The following SMCHD1 variants were observed in gnomAD, a reference collection of about 807,000 sequenced individuals.
SMCHD1 encodes structural maintenance of chromosomes flexible hinge domain containing 1, also known as structural maintenance of chromosomes flexible hinge domain-containing protein 1.
In SMCHD1, 78 loss-of-function variants were observed where a neutral mutation model predicts 254.7. The observed-to-expected ratio is 0.31, with a 90% CI of 0.26 to 0.37. The LOEUF (loss-of-function observed/expected upper bound fraction) is 0.37. Among genes scored for constraint, SMCHD1 ranks in the 10% least tolerant of loss-of-function variants. The pLI, the probability that SMCHD1 is intolerant of heterozygous loss-of-function variation, is 1.00. For synonymous variants in SMCHD1, 766 were observed against 794.9 expected, an observed-to-expected ratio of 0.96 and a Z score of 0.61; for missense variants, 1,840 against 2,408.1, an observed-to-expected ratio of 0.76 and a Z score of 4.94.
In SMCHD1 at chr18:2,769,993, TAAG is replaced by T; in HGVS notation, c.4855_4857del (p.Lys1619del). On this transcript the variant is annotated inframe_deletion, in exon 39 of 48. Transcript: ENST00000320876. ...TATCTCAATTTTTTTTCTTAGATGT[TAAG>T]AAGCAGCAACAAATGGCAGCACTTA... 1 of 1,585,292 alleles carries T rather than the reference TAAG, an allele frequency of 6.3e-7. No individual in the cohort carries two copies. The highest frequency in any genetic ancestry group is 8.5e-7 in the Non-Finnish European group (1 of 1,172,014).
chr18:2,708,907 T>TATAA (rs769432583), intron 17 of SMCHD1, among the ~76,000 whole-genome samples: 1,603 of 44,628 alleles, frequency 0.036, 325 homozygotes, highest in Middle Eastern at 0.071. Flanking sequence ...TATATATATA[T>TATAA]AACATATTAA....
In SMCHD1 at chr18:2,772,283, C is replaced by T. The variant is rs746069496; in HGVS notation, c.5086C>T (p.Leu1696=). The T allele has an allele frequency of 1.2e-6, 2 of 1,604,440 alleles. No homozygotes were observed. The highest frequency in any genetic ancestry group is 8.5e-7 in the Non-Finnish European group (1 of 1,176,414). The change falls in exon 41 of 48, where the codon CTA becomes TTA. Residue 1696 remains leucine, a synonymous_variant. Coordinates refer to ENST00000320876, the MANE Select transcript of SMCHD1 (RefSeq NM_015295.3). ...CATTGAAGCACTTCTGAAAAGAAAG[C>T]TATCAGAACAAGAAGAACTGAAGAA... The part of the protein sequence containing the change: ...PHIEALLKRK[L]SEQEELKKKP...
At chr18:2,705,473 AAAG>A (rs1437488423) in intron 13 of SMCHD1, among the ~76,000 whole-genome samples, 2 of 152,280 alleles carry the variant, frequency 1.3e-5, no homozygotes, top group Non-Finnish European at 2.9e-5. Context: ...ACATTTGTAT[AAAG>A]AAGCTGCCAT....
chr18:2,688,143 T>G (rs2074094148), intron 5 of SMCHD1, among the ~76,000 whole-genome samples: 1 of 152,248 alleles, frequency 6.6e-6, no homozygotes, highest in African/African-American at 2.4e-5. Context: ...TGAGAGATTT[T>G]CTGATTTAGT....
chr18:2,766,252 C>CA (rs1421219104), intron 37 of SMCHD1, among the ~76,000 whole-genome samples: 1 of 152,234 alleles, frequency 6.6e-6, no homozygotes, highest in African/African-American at 2.4e-5. Flanking sequence ...CTCGGCCTCC[C>CA]AAAGTGCTGG....
chr18:2,729,417 A>T lies in SMCHD1; in HGVS notation c.3048+8A>T. 2.0e-6 allele frequency: 3 copies of T among 1,502,544 alleles called. No homozygotes were observed. Among genetic ancestry groups the T allele is most frequent in the Non-Finnish European group, 2.7e-6 (3 of 1,127,472 alleles). 93.1% of individuals were successfully genotyped at this position (1,502,544 alleles called of 1,614,324 possible). A position where few individuals can be genotyped will look rare whatever the true frequency, so the allele number is the denominator to read the frequency against. On this transcript the variant is annotated splice_region_variant and intron_variant, in intron 24 of 47. Transcript: ENST00000320876. ...GCAAGAATTGAAATACCTGTAAGTTATTATTGTTACTCATTGATATTATAT... is the reference window on the plus strand; with the variant it reads ...GCAAGAATTGAAATACCTGTAAGTTTTTATTGTTACTCATTGATATTATAT...
At chr18:2,690,715 C>T (rs1424599034) in intron 7 of SMCHD1, among the ~76,000 whole-genome samples, 2 of 150,332 alleles carry the variant, frequency 1.3e-5, no homozygotes, top group Non-Finnish European at 3.0e-5. Flanking sequence ...AACTCCTGAC[C>T]TCAGGCAGTC....
At chr18:2,749,718 A>G (rs1202591336) in intron 30 of SMCHD1, among the ~76,000 whole-genome samples, 1 of 152,224 alleles carries the variant, frequency 6.6e-6, no homozygotes, top group Non-Finnish European at 1.5e-5. Flanking sequence ...GCTTTAGAAT[A>G]TACCTTCTGT....
chr18:2,793,613 C>A (rs62077721), intron 45 of SMCHD1, among the ~76,000 whole-genome samples: 14,120 of 143,888 alleles, frequency 0.098, 850 homozygotes, highest in South Asian at 0.17. Context: ...TGCAGTGAGC[C>A]AAGATCGCGC....
chr18:2,762,301 A>T, intron 36 of SMCHD1, 65 bp downstream of exon 36: 1 of 1,523,104 alleles, frequency 6.6e-7, no homozygotes, highest in Non-Finnish European at 9.1e-7. Flanking sequence ...ATTTTAGGGT[A>T]CAAAATTATT....
At chr18:2,746,649 C>T (rs1223610015) in intron 29 of SMCHD1, among the ~76,000 whole-genome samples, 1 of 152,066 alleles carries the variant, frequency 6.6e-6, no homozygotes, top group Non-Finnish European at 1.5e-5. Context: ...CAGCCTTTCC[C>T]CATAATCTGG....
chr18:2,753,588 G>A (rs1030631243), intron 34 of SMCHD1, among the ~76,000 whole-genome samples: 2 of 152,188 alleles, frequency 1.3e-5, no homozygotes, highest in African/African-American at 4.8e-5. Flanking sequence ...AGCCTTGCTA[G>A]AGTGCAATGC....
chr18:2,702,555 C>T (rs1394707513), intron 12 of SMCHD1, among the ~76,000 whole-genome samples: 2 of 152,102 alleles, frequency 1.3e-5, no homozygotes, highest in South Asian at 4.1e-4. Flanking sequence ...CTAATTTAAT[C>T]TCCATGTCAG....
intron 34 of SMCHD1, among the ~76,000 whole-genome samples, chr18:2,757,994 C>G (rs2075714841): frequency 6.6e-6 from 1 of 152,084 alleles, no homozygotes; most frequent in African/African-American, 2.4e-5. Flanking sequence ...CCAACTTTCC[C>G]TATGAATGAC....
rs770312142 is a variant in SMCHD1 at position 2,703,686 on chromosome 18, C to T, written c.1648-6C>T. On this transcript the variant is annotated splice_region_variant and splice_polypyrimidine_tract_variant and intron_variant, in intron 12 of 47. Transcript: ENST00000320876. ...ATATTTCATAAAACATTTTAAAATT[C>T]TACAGGAACAGCGAATGAAAATTGA... The T allele has an allele frequency of 1.9e-6, 3 of 1,599,166 alleles. No individual in the cohort carries two copies. The highest frequency in any genetic ancestry group is 1.1e-5 in the South Asian group (1 of 88,544).
chr18:2,753,278 A>C (rs2143636675), intron 34 of SMCHD1: 1 of 152,366 alleles, frequency 6.6e-6, no homozygotes, highest in African/African-American at 2.4e-5. Flanking sequence ...ACTCAGCATC[A>C]TGAGATTCTG....
At chr18:2,739,586 T>A in intron 27 of SMCHD1, 66 bp downstream of exon 27, 1 of 1,216,112 alleles carries the variant, frequency 8.2e-7, no homozygotes, top group Non-Finnish European at 1.2e-6. Context: ...CTTCCATGGA[T>A]GTTTTAGATA....
intron 19 of SMCHD1, among the ~76,000 whole-genome samples, chr18:2,719,670 G>C (rs373961076): frequency 0.018 from 1,494 of 82,842 alleles, 21 homozygotes; most frequent in African/African-American, 0.068. Flanking sequence ...GCAGTTCACT[G>C]CACCTAATTT....
intron 37 of SMCHD1, among the ~76,000 whole-genome samples, chr18:2,765,898 T>C (rs1222943884): frequency 6.6e-6 from 1 of 152,148 alleles, no homozygotes; most frequent in Admixed American, 6.6e-5. Flanking sequence ...ATACTTAACA[T>C]GCAGAGTGGA....
Sources: allele counts gnomAD v4.1 joint callset (sites outside exome capture counted in the v4.1 genomes callset), GRCh38; gene constraint gnomAD v4.1.1; transcripts MANE v1.5; gene names NCBI Gene and HGNC (gene_info 2026-07-23, HGNC 2026-07-21).